The following RXFP1 variants were observed in gnomAD, a reference collection of about 807,000 sequenced individuals.
The protein encoded by RXFP1 is relaxin family peptide receptor 1.
RXFP1 carries 73 observed loss-of-function variants against 89.8 expected under a neutral mutation model. The observed-to-expected ratio is 0.81, with a 90% CI of 0.67 to 0.99. The LOEUF (loss-of-function observed/expected upper bound fraction) is 0.99, where lower values mean the gene tolerates loss of function less well. Among genes scored for constraint, RXFP1 ranks in the 50% least tolerant of loss-of-function variants. The pLI is 0.00. For synonymous variants in RXFP1, 277 were observed against 305.5 expected, an observed-to-expected ratio of 0.91 and a Z score of 0.97; for missense variants, 793 against 895.5, an observed-to-expected ratio of 0.89 and a Z score of 1.46.
intron 4 of RXFP1, among the ~76,000 whole-genome samples, chr4:158,603,160 C>T (rs775205640): frequency 2.0e-5 from 3 of 152,134 alleles, no homozygotes; most frequent in Non-Finnish European, 4.4e-5. Flanking sequence ...CCAAGCTGGT[C>T]TTGAACTCCT....
intron 9 of RXFP1, among the ~76,000 whole-genome samples, chr4:158,626,300 A>G (rs2150183269): frequency 6.6e-6 from 1 of 152,208 alleles, no homozygotes; most frequent in East Asian, 1.9e-4. Flanking sequence ...GGTATTCCCA[A>G]TAGTAAAAGA....
intron 1 of RXFP1, among the ~76,000 whole-genome samples, chr4:158,567,384 A>G (rs939299807): frequency 3.3e-5 from 5 of 152,180 alleles, no homozygotes; most frequent in African/African-American, 1.2e-4. Flanking sequence ...GGGCACTTGG[A>G]GAATCTTTAT....
chr4:158,643,269 A>G (rs1770740035), intron 14 of RXFP1, among the ~76,000 whole-genome samples: 1 of 152,088 alleles, frequency 6.6e-6, no homozygotes, highest in East Asian at 1.9e-4. Context: ...CTTTGTTAGA[A>G]AAGAAATTAT....
At chr4:158,644,109 C>T (rs549634392) in intron 14 of RXFP1, among the ~76,000 whole-genome samples, 10 of 144,730 alleles carry the variant, frequency 6.9e-5, no homozygotes, top group African/African-American at 2.6e-4. Flanking sequence ...TGCAGTGGCA[C>T]GATCTGGGCT....
chr4:158,634,954 T>C (rs1768857776), intron 12 of RXFP1, among the ~76,000 whole-genome samples: 1 of 152,180 alleles, frequency 6.6e-6, no homozygotes, highest in Non-Finnish European at 1.5e-5. Flanking sequence ...TGAAATTAAG[T>C]GGTGTAAAAT....
intron 1 of RXFP1, among the ~76,000 whole-genome samples, chr4:158,538,853 T>C (rs1310142682): frequency 6.6e-6 from 1 of 151,598 alleles, no homozygotes; most frequent in Non-Finnish European, 1.5e-5. Flanking sequence ...ATATAATCTA[T>C]GACTTCTCTA....
intron 1 of RXFP1, among the ~76,000 whole-genome samples, chr4:158,530,899 T>C (rs534253263): frequency 6.6e-6 from 1 of 152,334 alleles, no homozygotes; most frequent in East Asian, 1.9e-4. Flanking sequence ...AAATCCATTT[T>C]AATGGAAAAA....
rs1330585921 is a variant in RXFP1 at position 158,521,915 on chromosome 4, G to A, written c.-62G>A. The A allele has an allele frequency of 4.4e-6, 5 of 1,130,766 alleles. No homozygotes were observed. Among genetic ancestry groups the A allele is most frequent in the Admixed American group, 3.5e-5 (2 of 56,638 alleles). The allele number at this position is 1,130,766 out of a possible 1,614,324, so 70.0% of individuals were successfully genotyped here. A position where few individuals can be genotyped will look rare whatever the true frequency, so the allele number is the denominator to read the frequency against. On this transcript the variant is annotated 5_prime_UTR_variant, in exon 1 of 18. Transcript: ENST00000307765. ...CACACAACCACTGTGAGCTGTATGC[G>A]ATTCAGAAACCAAGACCAAATTTTG...
In RXFP1 at chr4:158,599,761, T is replaced by C. The variant is rs79365593; in HGVS notation, c.392+330T>C. On this transcript the variant is annotated intron_variant, in intron 4 of 17. Coordinates refer to ENST00000307765, the MANE Select transcript of RXFP1 (RefSeq NM_021634.4). ...ACTATTACATAGAGCTTTCCTATTA[T>C]ATAGAATTTTCACTTGACATTTATT... is the stretch of plus-strand genomic sequence containing the variant. Among the ~76,000 whole-genome samples, 16 of 152,298 alleles carry C rather than the reference T, an allele frequency of 1.1e-4. No homozygotes were observed. The East Asian group carries it at 3.1e-3, about 29-fold the overall frequency.
In RXFP1 at chr4:158,579,056, C is replaced by T. The variant is rs139524845; in HGVS notation, c.187+6221C>T. Among the ~76,000 whole-genome samples, 4 of 149,256 alleles carry T rather than the reference C, an allele frequency of 2.7e-5. No individual in the cohort carries two copies. In the East Asian group the frequency reaches 6.0e-4, roughly 22 times the overall value. On this transcript the variant is annotated intron_variant, in intron 2 of 17. Transcript: ENST00000307765. ...TGTCCTCGCAAGAGACAGGAAATGGCATACAGAGATGCTGGAGAGAAGAGG... is the reference window on the plus strand; with the variant it reads ...TGTCCTCGCAAGAGACAGGAAATGGTATACAGAGATGCTGGAGAGAAGAGG...
At chr4:158,570,126 A>T (rs1256604896) in intron 1 of RXFP1, among the ~76,000 whole-genome samples, 1 of 152,220 alleles carries the variant, frequency 6.6e-6, no homozygotes, top group African/African-American at 2.4e-5. Flanking sequence ...TCAAAAAAGG[A>T]AGTAAAAGAA....
intron 1 of RXFP1, among the ~76,000 whole-genome samples, chr4:158,554,620 CT>C (rs1750866075): frequency 1.3e-5 from 2 of 151,400 alleles, no homozygotes; most frequent in Non-Finnish European, 2.9e-5. Flanking sequence ...GTGTGGTTTC[CT>C]TTTTTGTTTT....
chr4:158,638,080 G>A lies in RXFP1; in HGVS notation c.1043+1G>A, dbSNP rs1439278095. ...ATTATCTTGTCAAACTCAAGTCTCTGTAAGTATTCACATATGGGGATAGTT... is the reference window on the plus strand; with the variant it reads ...ATTATCTTGTCAAACTCAAGTCTCTATAAGTATTCACATATGGGGATAGTT... On this transcript the variant is annotated splice_donor_variant, in intron 13 of 17. Coordinates refer to ENST00000307765, the MANE Select transcript of RXFP1 (RefSeq NM_021634.4). LOFTEE classifies it high-confidence loss of function. The A allele has an allele frequency of 1.3e-6, 2 of 1,566,868 alleles. No homozygotes were observed. The highest frequency in any genetic ancestry group is 1.8e-6 in the Non-Finnish European group (2 of 1,139,200).
At position 158,521,929 on chromosome 4, in the gene RXFP1, G is replaced by A. The variant is rs766260818; in HGVS notation, c.-48G>A. 2 of 1,422,536 alleles carry A rather than the reference G, an allele frequency of 1.4e-6. No individual in the cohort carries two copies. The highest frequency in any genetic ancestry group is 9.9e-7 in the Non-Finnish European group (1 of 1,011,824). The allele number at this position is 1,422,536 out of a possible 1,614,324, so 88.1% of individuals were successfully genotyped here. ...GAGCTGTATGCGATTCAGAAACCAA[G>A]ACCAAATTTTGCTCACTTTCATTAA... is the stretch of plus-strand genomic sequence containing the variant. On this transcript the variant is annotated 5_prime_UTR_variant, in exon 1 of 18. Transcript: ENST00000307765.
chr4:158,623,579 A>AAATAACAT (rs942729368), intron 9 of RXFP1, among the ~76,000 whole-genome samples: 4 of 151,922 alleles, frequency 2.6e-5, no homozygotes, highest in Non-Finnish European at 5.9e-5. Flanking sequence ...CAAAATAAAT[A>AAATAACAT]AATAACATAA....
chr4:158,598,824 TA>T (rs958932634), intron 3 of RXFP1, among the ~76,000 whole-genome samples: 14 of 148,066 alleles, frequency 9.5e-5, no homozygotes, highest in African/African-American at 1.2e-4. Context: ...CTCCTGATTT[TA>T]AAAAAAAAAC....
intron 1 of RXFP1, among the ~76,000 whole-genome samples, chr4:158,525,581 C>A (rs1215762214): frequency 6.6e-6 from 1 of 152,160 alleles, no homozygotes; most frequent in Non-Finnish European, 1.5e-5. Flanking sequence ...GTTGAGTATT[C>A]TAGTTAGGTT....
At chr4:158,593,362 T>C (rs1203456361) in intron 2 of RXFP1, 39 bp from the exon 3 acceptor site, 74 of 1,299,054 alleles carry the variant, frequency 5.7e-5, no homozygotes, top group Non-Finnish European at 8.2e-5. Context: ...AGAATATCTC[T>C]GTTCCTTGAA....
chr4:158,559,551 A>G (rs1160318463), intron 1 of RXFP1, among the ~76,000 whole-genome samples: 1 of 152,152 alleles, frequency 6.6e-6, no homozygotes, highest in Middle Eastern at 3.2e-3. Context: ...CTATACCAGG[A>G]ATAGATGTGA....
Sources: allele counts gnomAD v4.1 joint callset (sites outside exome capture counted in the v4.1 genomes callset), GRCh38; gene constraint gnomAD v4.1.1; transcripts MANE v1.5; gene names NCBI Gene and HGNC (gene_info 2026-07-23, HGNC 2026-07-21).